The following TTC27 variants were observed in gnomAD, a reference collection of about 807,000 sequenced individuals.
TTC27 encodes the protein tetratricopeptide repeat protein 27.
TTC27 carries 79 observed loss-of-function variants against 115.9 expected under a neutral mutation model. The observed-to-expected ratio is 0.68, with a 90% CI of 0.57 to 0.82. The LOEUF is 0.82. Among genes scored for constraint, TTC27 ranks in the 40% least tolerant of loss-of-function variants. The pLI is 0.00. For synonymous variants in TTC27, 401 were observed against 356.0 expected (o/e 1.13, Z -1.42); for missense variants, 1,054 against 993.1 (o/e 1.06, Z -0.82).
intron 7 of TTC27, among the ~76,000 whole-genome samples, chr2:32,670,324 CGT>C (rs753378702): frequency 6.6e-6 from 1 of 152,094 alleles, no homozygotes; most frequent in Non-Finnish European, 1.5e-5. Context: ...CAATTAGACG[CGT>C]GTCACCACCA....
chr2:32,728,351 C>T (rs1029325606), intron 10 of TTC27, among the ~76,000 whole-genome samples: 2 of 152,028 alleles, frequency 1.3e-5, no homozygotes, highest in Non-Finnish European at 2.9e-5. Context: ...AGGACTGCCT[C>T]TTAAAGTTCA....
intron 10 of TTC27, among the ~76,000 whole-genome samples, chr2:32,729,732 C>T (rs563789855): frequency 7.2e-5 from 11 of 152,176 alleles, no homozygotes; most frequent in Non-Finnish European, 1.2e-4. Flanking sequence ...CGTTTATTCA[C>T]ATCTCTTCAG....
chr2:32,793,608 T>G (rs1329163682), intron 16 of TTC27, among the ~76,000 whole-genome samples: 7 of 152,196 alleles, frequency 4.6e-5, no homozygotes, highest in Non-Finnish European at 8.8e-5. Flanking sequence ...CTGCAACCTC[T>G]CCTTCCTGGG....
intron 9 of TTC27, among the ~76,000 whole-genome samples, chr2:32,686,205 T>G (rs1051772284): frequency 2.0e-5 from 3 of 152,214 alleles, no homozygotes; most frequent in Non-Finnish European, 4.4e-5. Context: ...GGATTTACCA[T>G]ATCTGTGGAT....
At chr2:32,647,673 A>T (rs948584896) in intron 4 of TTC27, among the ~76,000 whole-genome samples, 1 of 152,158 alleles carries the variant, frequency 6.6e-6, no homozygotes, top group Non-Finnish European at 1.5e-5. Context: ...ATTAAGTTCA[A>T]GCAAAAAAGT....
At chr2:32,777,795 T>C in intron 13 of TTC27, 87 bp from the exon 14 acceptor site, 9 of 1,257,584 alleles carry the variant, frequency 7.2e-6, no homozygotes, top group Non-Finnish European at 9.2e-6. Flanking sequence ...TAGGAGTGTG[T>C]TTGTTGATAG....
Position 32,702,841 on chromosome 2 carries a change from A to C in TTC27, c.1154A>C (p.Gln385Pro). ...LLSQPKFWAIQTSALILRTKL... is the reference protein window; with the variant it reads ...LLSQPKFWAIPTSALILRTKL... ...TCACAACCAAAGTTCTGGGCCATTC[A>C]GACATCAGCCTTGATCCTCCGGACA... Residue 385 changes from glutamine to proline, a missense_variant, in exon 10 of 20, where the codon CAG becomes CCG. Gln to Pro is a moderately conservative substitution (Grantham distance 76, BLOSUM62 -1). Coordinates refer to ENST00000317907, the MANE Select transcript of TTC27 (RefSeq NM_017735.5). The C allele has an allele frequency of 6.2e-7, 1 of 1,614,070 alleles. No homozygotes were observed. Among genetic ancestry groups the C allele is most frequent in the Non-Finnish European group, 8.5e-7 (1 of 1,179,976 alleles).
intron 16 of TTC27, among the ~76,000 whole-genome samples, chr2:32,808,679 T>C (rs753884925): frequency 4.6e-5 from 7 of 152,182 alleles, no homozygotes; most frequent in Non-Finnish European, 1.0e-4. Context: ...CTACAGCTCT[T>C]CATTTTTATT....
At chr2:32,687,349 A>C (rs1411910236) in intron 9 of TTC27, among the ~76,000 whole-genome samples, 2 of 152,238 alleles carry the variant, frequency 1.3e-5, no homozygotes, top group Non-Finnish European at 2.9e-5. Context: ...GTAAGAAGTC[A>C]AGGTGGCAAC....
chr2:32,648,360 C>G (rs144117932), intron 4 of TTC27, among the ~76,000 whole-genome samples: 219 of 151,932 alleles, frequency 1.4e-3, no homozygotes, highest in African/African-American at 5.1e-3. Flanking sequence ...AACTCCTGAC[C>G]TCAGGTGATC....
chr2:32,694,902 C>G (rs966362688), intron 9 of TTC27, among the ~76,000 whole-genome samples: 1 of 151,818 alleles, frequency 6.6e-6, no homozygotes, highest in African/African-American at 2.4e-5. Flanking sequence ...TGATCTCAAA[C>G]TCCTGGGCTC....
At chr2:32,803,131 A>G (rs1178531497) in intron 16 of TTC27, among the ~76,000 whole-genome samples, 2 of 152,166 alleles carry the variant, frequency 1.3e-5, no homozygotes, top group Non-Finnish European at 1.5e-5. Flanking sequence ...GCCACCTCCC[A>G]CCATCACCAA....
intron 18 of TTC27, 93 bp from the exon 19 acceptor site, chr2:32,817,364 C>A: frequency 1.0e-6 from 1 of 965,764 alleles, no homozygotes; most frequent in Non-Finnish European, 1.6e-6. Flanking sequence ...AAGTATGTTA[C>A]TATAAAAATT....
chr2:32,815,430 G>C (rs1012671948), intron 18 of TTC27, among the ~76,000 whole-genome samples: 2 of 151,332 alleles, frequency 1.3e-5, no homozygotes, highest in Non-Finnish European at 2.9e-5. Flanking sequence ...ATAGAGACAG[G>C]GTTTCACCGT....
At chr2:32,708,992 A>G (rs1162752213) in intron 10 of TTC27, among the ~76,000 whole-genome samples, 1 of 152,154 alleles carries the variant, frequency 6.6e-6, no homozygotes. Flanking sequence ...CTGATTTGTG[A>G]CTGCATAGGG....
At chr2:32,798,646 C>T (rs542332432) in intron 16 of TTC27, among the ~76,000 whole-genome samples, 7 of 139,076 alleles carry the variant, frequency 5.0e-5, no homozygotes, top group South Asian at 4.6e-4. Context: ...TGGAGCTTAC[C>T]GTGAGCCAAG....
intron 2 of TTC27, 90 bp downstream of exon 2, chr2:32,630,790 A>G: frequency 1.6e-6 from 2 of 1,231,648 alleles, no homozygotes; most frequent in Non-Finnish European, 2.2e-6. Context: ...TTAGCAGTTG[A>G]GAAACCTTGC....
intron 16 of TTC27, among the ~76,000 whole-genome samples, chr2:32,798,853 A>G (rs1278017160): frequency 6.6e-6 from 1 of 152,186 alleles, no homozygotes; most frequent in Non-Finnish European, 1.5e-5. Context: ...TCGAAAATGG[A>G]ATTACCATAT....
chr2:32,692,401 G>A (rs1311699202), intron 9 of TTC27, among the ~76,000 whole-genome samples: 2 of 152,062 alleles, frequency 1.3e-5, no homozygotes, highest in African/African-American at 4.8e-5. Context: ...AGCAGAACGG[G>A]TTGCCGGGGG....
Sources: gnomAD v4.1 joint callset for allele counts (sites outside exome capture counted in the v4.1 genomes callset) on GRCh38, gnomAD v4.1.1 for gene constraint, MANE v1.5 for transcripts, NCBI Gene and HGNC (gene_info 2026-07-23, HGNC 2026-07-21) for gene names.